SMPD4: variants seen among roughly 807,000 people sequenced by gnomAD.
The protein encoded by SMPD4 is neutral sphingomyelinase 3.
SMPD4 carries 58 observed loss-of-function variants against 97.8 expected under a neutral mutation model. That is an observed-to-expected ratio of 0.59 (90% CI 0.48 to 0.74). The LOEUF (loss-of-function observed/expected upper bound fraction) is 0.74, where lower values mean the gene tolerates loss of function less well. Among genes scored for constraint, SMPD4 ranks in the 30% least tolerant of loss-of-function variants. The pLI, the probability that SMPD4 is intolerant of heterozygous loss-of-function variation, is 0.00. For synonymous variants in SMPD4, 388 were observed against 450.0 expected, an observed-to-expected ratio of 0.86 and a Z score of 1.74; for missense variants, 853 against 1,080.5, an observed-to-expected ratio of 0.79 and a Z score of 2.95.
chr2:130,181,465 C>G, intron 1 of SMPD4, 65 bp downstream of exon 1: 2 of 1,546,222 alleles, frequency 1.3e-6, no homozygotes, highest in Admixed American at 4.0e-5. Context: ...AGATGGCCTC[C>G]GCAGGGGCTC....
chr2:130,164,822 A>G (rs1439598383), intron 9 of SMPD4, among the ~76,000 whole-genome samples: 2 of 152,102 alleles, frequency 1.3e-5, no homozygotes, highest in East Asian at 3.9e-4. Flanking sequence ...TAAAAAGGCA[A>G]CCAACAGGCA....
intron 11 of SMPD4, chr2:130,158,178 T>C: frequency 2.4e-6 from 3 of 1,270,952 alleles, no homozygotes; most frequent in Non-Finnish European, 3.1e-6. Context: ...CCCCAATTCC[T>C]CCCACCTGCT....
chr2:130,154,245 G>A, intron 16 of SMPD4, 32 bp downstream of exon 16: 4 of 1,553,840 alleles, frequency 2.6e-6, no homozygotes, highest in East Asian at 4.6e-5. Flanking sequence ...GGCTCCAGGG[G>A]CCCTGAGGAC....
chr2:130,173,692 A>G, intron 3 of SMPD4, 36 bp from the exon 4 acceptor site: 1 of 1,613,004 alleles, frequency 6.2e-7, no homozygotes, highest in South Asian at 1.1e-5. Context: ...GTGCAGGACC[A>G]GCACCCACTC....
At chr2:130,170,545 C>T (rs2104888102) in intron 8 of SMPD4, among the ~76,000 whole-genome samples, 1 of 150,504 alleles carries the variant, frequency 6.6e-6, no homozygotes, top group Middle Eastern at 3.5e-3. Flanking sequence ...GCAGGAGGAT[C>T]GCTCGAGCCC....
chr2:130,165,323 G>A (rs1360837095), intron 9 of SMPD4, among the ~76,000 whole-genome samples: 1 of 151,880 alleles, frequency 6.6e-6, no homozygotes, highest in Non-Finnish European at 1.5e-5. Context: ...CTACTCAGGA[G>A]GCTGAGGCAG....
chr2:130,166,731 C>T (rs1198465480), intron 9 of SMPD4, among the ~76,000 whole-genome samples: 1 of 152,202 alleles, frequency 6.6e-6, no homozygotes, highest in Non-Finnish European at 1.5e-5. Context: ...TTGGCCAGCA[C>T]TCAGGAAGTG....
At chr2:130,156,350 C>G in intron 13 of SMPD4, 1 of 656,932 alleles carries the variant, frequency 1.5e-6, no homozygotes, top group South Asian at 2.0e-5. Flanking sequence ...AGAGTACTCC[C>G]TGGTCAGGTA....
At chr2:130,168,300 T>C (rs1302645653) in intron 8 of SMPD4, among the ~76,000 whole-genome samples, 1 of 152,110 alleles carries the variant, frequency 6.6e-6, no homozygotes, top group Non-Finnish European at 1.5e-5. Context: ...GATGCCTCCC[T>C]GTAGTCCCAG....
chr2:130,164,394 T>A lies in SMPD4; in HGVS notation c.844A>T (p.Met282Leu). ...HHYSLEMYQK[M>L]QSPHAKLEVL... The stretch of plus-strand genomic sequence containing the variant: ...CATACCTTGGCATGAGGGGACTGCA[T>A]TTTTTGATACATCTCCAAGGAATAG... Residue 282 changes from methionine (M) to leucine (L), a missense_variant, in exon 10 of 20, where the codon ATG (methionine) becomes TTG (leucine). Around this residue, in one of 3 missense-constraint regions of SMPD4, gnomAD observed 313 missense variants for 402.2 expected, o/e 0.78. Transcript: ENST00000680298. The A allele has an allele frequency of 1.9e-6, 3 of 1,613,988 alleles. No homozygotes were observed. The highest frequency in any genetic ancestry group is 2.5e-6 in the Non-Finnish European group (3 of 1,179,874).
chr2:130,155,991 C>G (rs186636630), intron 14 of SMPD4, 44 bp downstream of exon 14: 12 of 1,584,960 alleles, frequency 7.6e-6, no homozygotes, highest in Non-Finnish European at 1.0e-5. Context: ...CAATATCCAC[C>G]TGGGGGAGCC....
In SMPD4 at chr2:130,162,332, C is replaced by A. The variant is rs576725236; in HGVS notation, c.865-1060G>T. ...CCTGGTGCACATCCTGCCCCGCCAGCAGCATGCCTCCTGCCCAAGCAGCAC... is the reference window on the plus strand; with the variant it reads ...CCTGGTGCACATCCTGCCCCGCCAGAAGCATGCCTCCTGCCCAAGCAGCAC... On this transcript the variant is annotated intron_variant, in intron 10 of 19. Coordinates refer to ENST00000680298, the MANE Select transcript of SMPD4 (RefSeq NM_017951.5). Among the ~76,000 whole-genome samples, 6 of 152,364 alleles carry A rather than the reference C, an allele frequency of 3.9e-5. No homozygotes were observed. The East Asian group carries it at 1.2e-3, about 29-fold the overall frequency.
Position 130,174,921 on chromosome 2 carries a change from G to A in SMPD4, c.119C>T (p.Pro40Leu). ...ACGTTAGCAGAGCTATACCTTTGCT[G>A]GAAAGTCCTCAATGACTTTAACCAA... Reference protein sequence around the residue: ...QDLVKVIEDFPAKELHTIFPW... With the variant: ...QDLVKVIEDFLAKELHTIFPW... The change falls in exon 3 of 20, where the codon CCA (proline) becomes CTA (leucine). Residue 40 changes from proline to leucine, a missense_variant. By Grantham distance (98) the Pro-to-Leu change is moderately conservative. This residue lies in a region of SMPD4 where 313 missense variants were observed against 402.2 expected (regional missense o/e 0.78). Coordinates refer to ENST00000680298, the MANE Select transcript of SMPD4 (RefSeq NM_017951.5). The A allele has an allele frequency of 6.2e-7, 1 of 1,602,664 alleles. No homozygotes were observed. Among genetic ancestry groups the A allele is most frequent in the South Asian group, 1.1e-5 (1 of 90,750 alleles).
rs966500255 is a variant in SMPD4, at chr2:130,156,334, G to T, written c.1189-199C>A. On this transcript the variant is annotated intron_variant, in intron 13 of 19. Transcript: ENST00000680298. The stretch of plus-strand genomic sequence containing the variant: ...GCCAGGGTGGGCTTTTCCCAGCCCA[G>T]GGGGCAGAGTACTCCCTGGTCAGGT... The T allele has an allele frequency of 6.0e-6, 4 of 662,798 alleles. No individual in the cohort carries two copies. The African/African-American group carries it at 7.3e-5, about 12-fold the overall frequency. 41.1% of individuals were successfully genotyped at this position (662,798 alleles called of 1,614,324 possible). A position where few individuals can be genotyped will look rare whatever the true frequency, so the allele number is the denominator to read the frequency against.
At position 130,164,393 on chromosome 2, in the gene SMPD4, A is replaced by G. The variant is rs1161817482; in HGVS notation, c.845T>C (p.Met282Thr). Residue 282 changes from methionine (M) to threonine (T), a missense_variant, in exon 10 of 20, where the codon ATG becomes ACG. Physicochemically the swap from Met to Thr is moderately conservative, Grantham distance 81. This residue lies in a region of SMPD4 where 313 missense variants were observed against 402.2 expected (regional missense o/e 0.78). Coordinates refer to ENST00000680298, the MANE Select transcript of SMPD4 (RefSeq NM_017951.5). Reference protein sequence around the residue: ...HHYSLEMYQKMQSPHAKLEVL... With the variant: ...HHYSLEMYQKTQSPHAKLEVL... ...ACATACCTTGGCATGAGGGGACTGC[A>G]TTTTTTGATACATCTCCAAGGAATA... The G allele has an allele frequency of 6.2e-7, 1 of 1,614,018 alleles. No homozygotes were observed. The highest frequency in any genetic ancestry group is 8.5e-7 in the Non-Finnish European group (1 of 1,180,008).
intron 9 of SMPD4, among the ~76,000 whole-genome samples, chr2:130,166,901 A>C (rs530493244): frequency 6.6e-6 from 1 of 152,250 alleles, no homozygotes; most frequent in Admixed American, 6.5e-5. Flanking sequence ...TGCAACAATT[A>C]TATCACCACA....
intron 8 of SMPD4, among the ~76,000 whole-genome samples, chr2:130,171,188 T>G (rs1426014444): frequency 2.0e-5 from 3 of 150,250 alleles, no homozygotes. Flanking sequence ...CACCACAACC[T>G]CCGCCTCCCG....
intron 1 of SMPD4, chr2:130,181,297 G>T: frequency 7.1e-7 from 1 of 1,402,148 alleles, no homozygotes; most frequent in Non-Finnish European, 9.2e-7. Flanking sequence ...AACACCTACC[G>T]GACCGGGACA....
intron 11 of SMPD4, chr2:130,157,857 G>C: frequency 4.8e-6 from 1 of 208,626 alleles, no homozygotes; most frequent in African/African-American, 2.3e-5. Context: ...AAAGCACATG[G>C]AACCCAGGTG....
Sources: allele counts gnomAD v4.1 joint callset (sites outside exome capture counted in the v4.1 genomes callset), GRCh38; gene constraint gnomAD v4.1.1; regional missense constraint gnomAD v4.1.1; transcripts MANE v1.5; gene names NCBI Gene and HGNC (gene_info 2026-07-23, HGNC 2026-07-21).